The following LRP12 variants were observed in gnomAD, a reference collection of about 807,000 sequenced individuals.
The protein encoded by LRP12 is low-density lipoprotein receptor-related protein 12.
A neutral mutation model predicts 66.0 loss-of-function variants in LRP12; 14 were observed. The observed-to-expected ratio is 0.21, with a 90% CI of 0.14 to 0.33. The LOEUF (loss-of-function observed/expected upper bound fraction) is 0.33, where lower values mean the gene tolerates loss of function less well. Among genes scored for constraint, LRP12 ranks in the 10% least tolerant of loss-of-function variants. The pLI is 1.00. For missense variants in LRP12, 889 were observed against 1,053.4 expected (o/e 0.84, Z 2.16); for synonymous variants, 357 against 359.1 (o/e 0.99, Z 0.07).
intron 1 of LRP12, among the ~76,000 whole-genome samples, chr8:104,561,847 C>G (rs1370640796): frequency 6.6e-6 from 1 of 152,100 alleles, no homozygotes; most frequent in East Asian, 1.9e-4. Context: ...CTTTCTGATA[C>G]AAGAGAACAT....
intron 1 of LRP12, among the ~76,000 whole-genome samples, chr8:104,543,786 G>A (rs1811513287): frequency 6.6e-6 from 1 of 152,108 alleles, no homozygotes; most frequent in Non-Finnish European, 1.5e-5. Context: ...GCTAGGCGTG[G>A]TGGCGCATGC....
At chr8:104,567,864 T>C (rs1030357061) in intron 1 of LRP12, among the ~76,000 whole-genome samples, 1 of 152,198 alleles carries the variant, frequency 6.6e-6, no homozygotes, top group African/African-American at 2.4e-5. Context: ...CTCTACAGAT[T>C]CCATGCAATC....
chr8:104,577,684 A>G (rs1812186192), intron 1 of LRP12, among the ~76,000 whole-genome samples: 1 of 151,666 alleles, frequency 6.6e-6, no homozygotes, highest in Non-Finnish European at 1.5e-5. Context: ...GGTGGTGGGC[A>G]CCTGTAGTCT....
At chr8:104,565,690 C>T (rs1206894441) in intron 1 of LRP12, among the ~76,000 whole-genome samples, 1 of 151,830 alleles carries the variant, frequency 6.6e-6, no homozygotes, top group Non-Finnish European at 1.5e-5. Context: ...GAAACTCCGT[C>T]TTTACTAAAA....
chr8:104,518,441 T>C (rs1564133983), intron 2 of LRP12, among the ~76,000 whole-genome samples: 1 of 152,034 alleles, frequency 6.6e-6, no homozygotes, highest in Non-Finnish European at 1.5e-5. Flanking sequence ...TAAGGCAAAC[T>C]GCTGCCCACT....
rs143503643 is a variant in LRP12 at position 104,588,123 on chromosome 8, C to T, written c.79+696G>A. Among the ~76,000 whole-genome samples, 4 of 152,202 alleles carry T rather than the reference C, an allele frequency of 2.6e-5. No individual in the cohort carries two copies. The East Asian group carries it at 7.7e-4, about 29-fold the overall frequency. On this transcript the variant is annotated intron_variant, in intron 1 of 6. Transcript: ENST00000276654. ...AAGTAACAGTGACCACAGCGGCGGA[C>T]GAGGATGGATGAAATTACAATTGAA...
chr8:104,584,228 C>T (rs993455970), intron 1 of LRP12, among the ~76,000 whole-genome samples: 10 of 151,896 alleles, frequency 6.6e-5, no homozygotes, highest in Admixed American at 6.6e-4. Context: ...TTTAGAACAA[C>T]CTTCCTCTTC....
chr8:104,573,423 C>T (rs1187984510), intron 1 of LRP12, among the ~76,000 whole-genome samples: 1 of 152,122 alleles, frequency 6.6e-6, no homozygotes, highest in African/African-American at 2.4e-5. Context: ...GATGTGAGTT[C>T]CACTTCTAAT....
chr8:104,548,267 AT>A (rs1453628262), intron 1 of LRP12, among the ~76,000 whole-genome samples: 1 of 96,448 alleles, frequency 1.0e-5, no homozygotes, highest in African/African-American at 4.7e-5. Flanking sequence ...TTAATATATG[AT>A]ATATATTATA....
At chr8:104,547,649 T>C (rs1192398032) in intron 1 of LRP12, among the ~76,000 whole-genome samples, 1 of 122,670 alleles carries the variant, frequency 8.2e-6, no homozygotes, top group African/African-American at 3.3e-5. Flanking sequence ...TATTAATAAT[T>C]AAAATATAAT....
At chr8:104,532,674 A>C (rs1289423809) in intron 1 of LRP12, among the ~76,000 whole-genome samples, 1 of 152,174 alleles carries the variant, frequency 6.6e-6, no homozygotes, top group African/African-American at 2.4e-5. Context: ...AAAGCTTAGA[A>C]GGCAAAAGCA....
intron 1 of LRP12, among the ~76,000 whole-genome samples, chr8:104,542,657 T>A (rs766827566): frequency 4.6e-5 from 7 of 152,138 alleles, no homozygotes; most frequent in Non-Finnish European, 8.8e-5. Flanking sequence ...CCCCAAAACA[T>A]AACTTCTAGG....
At chr8:104,570,218 T>G (rs1812057979) in intron 1 of LRP12, among the ~76,000 whole-genome samples, 1 of 152,196 alleles carries the variant, frequency 6.6e-6, no homozygotes. Flanking sequence ...TAAAGTAATC[T>G]ATAAATTTAA....
intron 3 of LRP12, chr8:104,507,474 T>C (rs578119431): frequency 2.0e-5 from 3 of 152,288 alleles, no homozygotes; most frequent in East Asian, 3.9e-4. Flanking sequence ...GCTGGTAAGA[T>C]TTTCAAGTTT....
chr8:104,581,635 C>A (rs547554492), intron 1 of LRP12, among the ~76,000 whole-genome samples: 79 of 152,022 alleles, frequency 5.2e-4, no homozygotes, highest in African/African-American at 1.6e-3. Context: ...GTTACATTAT[C>A]AGATCTGTAC....
chr8:104,588,994 C>CCGCCGA lies in LRP12; in HGVS notation c.-103_-98dup. 1.1e-6 allele frequency: 1 copy of CCGCCGA among 902,672 alleles called. No homozygotes were observed. Among genetic ancestry groups the CCGCCGA allele is most frequent in the Non-Finnish European group, 1.6e-6 (1 of 607,352 alleles). The allele number at this position is 902,672 out of a possible 1,614,324, so 55.9% of individuals were successfully genotyped here. A position where few individuals can be genotyped will look rare whatever the true frequency, so the allele number is the denominator to read the frequency against. ...GACGCCGCCGCCGCCGCCGCCGCCG[C>CCGCCGA]CGCCGAGCCACCGGCTGCTCCCTGC... On this transcript the variant is annotated 5_prime_UTR_variant, in exon 1 of 7. Transcript: ENST00000276654.
chr8:104,491,085 C>T lies in LRP12; in HGVS notation c.2168G>A (p.Arg723His), dbSNP rs201590615. 6.4e-5 allele frequency: 103 copies of T among 1,614,120 alleles called. No individual in the cohort carries two copies. The highest frequency in any genetic ancestry group is 2.5e-4 in the African/African-American group (19 of 75,022). The change falls in exon 7 of 7, where the codon CGT (arginine) becomes CAT (histidine). Residue 723 changes from arginine to histidine, a missense_variant. This residue lies in a region of LRP12 where 800 missense variants were observed against 964.5 expected (regional missense o/e 0.83). Coordinates refer to ENST00000276654, the MANE Select transcript of LRP12 (RefSeq NM_013437.5). ...SVEPPSVSPA[R>H]HQLTSALSRM... Reference sequence around the variant, plus strand: ...ACTGAGTGCACTTGTAAGCTGGTGACGTGCTGGACTCACACTTGGGGGTTC... The same window carrying T: ...ACTGAGTGCACTTGTAAGCTGGTGATGTGCTGGACTCACACTTGGGGGTTC...
intron 2 of LRP12, 66 bp from the exon 3 acceptor site, chr8:104,509,140 G>A (rs1023277307): frequency 6.8e-7 from 1 of 1,470,468 alleles, no homozygotes; most frequent in Non-Finnish European, 9.1e-7. Flanking sequence ...GTAAATCAGT[G>A]TTTATTTTTT....
At chr8:104,512,033 A>T (rs1811007122) in intron 2 of LRP12, among the ~76,000 whole-genome samples, 2 of 152,200 alleles carry the variant, frequency 1.3e-5, no homozygotes, top group South Asian at 4.1e-4. Context: ...TTAATAATAA[A>T]CTGCCAGTTT....
Sources: allele counts gnomAD v4.1 joint callset (sites outside exome capture counted in the v4.1 genomes callset), GRCh38; gene constraint gnomAD v4.1.1; regional missense constraint gnomAD v4.1.1; transcripts MANE v1.5; gene names NCBI Gene and HGNC (gene_info 2026-07-23, HGNC 2026-07-21).